DCLRE1B: variants seen among roughly 807,000 people sequenced by gnomAD.
The protein encoded by DCLRE1B is DNA cross-link repair 1B.
Under a neutral mutation model 19.8 loss-of-function variants are expected in DCLRE1B, and 6 were observed. That is an observed-to-expected ratio of 0.30 (90% CI 0.17 to 0.60). DCLRE1B has a LOEUF of 0.60. DCLRE1B is among the 20% of genes least tolerant of loss of function. The pLI, the probability that DCLRE1B is intolerant of heterozygous loss-of-function variation, is 0.87. For missense variants in DCLRE1B, 622 were observed against 654.2 expected, an observed-to-expected ratio of 0.95 and a Z score of 0.54; for synonymous variants, 258 against 255.7, an observed-to-expected ratio of 1.01 and a Z score of -0.09.
At position 113,913,080 on chromosome 1, in the gene DCLRE1B, G is replaced by T. The variant is rs944394970; in HGVS notation, c.*889G>T. On this transcript the variant is annotated 3_prime_UTR_variant, in exon 4 of 4. Transcript: ENST00000650450. ...TTGCTCCCCTCACCCCTTGGATTAT[G>T]TAGGGAGCCAGTGCACACAGCCTGT... 1 of 152,810 alleles carries T rather than the reference G, an allele frequency of 6.5e-6. No homozygotes were observed. Among genetic ancestry groups the T allele is most frequent in the Non-Finnish European group, 1.5e-5 (1 of 68,072 alleles). 9.5% of individuals were successfully genotyped at this position (152,810 alleles called of 1,614,324 possible).
In DCLRE1B at chr1:113,905,762, A is replaced by G. The variant is rs759079691; in HGVS notation, c.176A>G (p.His59Arg). 6.2e-7 allele frequency: 1 copy of G among 1,613,316 alleles called. No individual in the cohort carries two copies. The highest frequency in any genetic ancestry group is 8.5e-7 in the Non-Finnish European group (1 of 1,179,660). ...YCSPITAHLL[H>R]RHLQVSKQWI... ...TCCCCAATTACAGCCCACCTCTTGC[A>G]TCGTCACCTACAGGTATGGGGCTGG... The change falls in exon 1 of 4, where the codon CAT becomes CGT. Residue 59 changes from histidine (H) to arginine (R), a missense_variant. Coordinates refer to ENST00000650450, the MANE Select transcript of DCLRE1B (RefSeq NM_022836.4).
Position 113,911,316 on chromosome 1 carries a change from A to G in DCLRE1B, c.724A>G (p.Met242Val). The change falls in exon 4 of 4, where the codon ATG becomes GTG. Residue 242 changes from methionine to valine, a missense_variant. Physicochemically the swap from Met to Val is conservative, Grantham distance 21. This residue lies in a region of DCLRE1B where 382 missense variants were observed against 412.5 expected (regional missense o/e 0.93). Coordinates refer to ENST00000650450, the MANE Select transcript of DCLRE1B (RefSeq NM_022836.4). ...VDHMEICHSN[M>V]LRWNQTHPTI... ...CCATATGGAGATCTGCCATTCCAACATGCTGCGTTGGAACCAGACCCACCC... is the reference window on the plus strand; with the variant it reads ...CCATATGGAGATCTGCCATTCCAACGTGCTGCGTTGGAACCAGACCCACCC... The G allele has an allele frequency of 1.9e-6, 3 of 1,614,092 alleles. No individual in the cohort carries two copies. The highest frequency in any genetic ancestry group is 2.5e-6 in the Non-Finnish European group (3 of 1,180,014).
In DCLRE1B at chr1:113,912,449, G is replaced by A. The variant is rs28381081; in HGVS notation, c.*258G>A. ...TGGAGTATGCGTGAGCAAATTAAAA[G>A]TTCTTTGAAGTCCTACAGTAACTTA... On this transcript the variant is annotated 3_prime_UTR_variant, in exon 4 of 4. Coordinates refer to ENST00000650450, the MANE Select transcript of DCLRE1B (RefSeq NM_022836.4). The A allele has an allele frequency of 1.7e-3, 591 of 353,182 alleles. 4 individuals carry two copies. Among genetic ancestry groups the A allele is most frequent in the African/African-American group, 0.011 (541 of 47,730 alleles). 21.9% of individuals were successfully genotyped at this position (353,182 alleles called of 1,614,324 possible).
upstream of DCLRE1B, chr1:113,904,959 T>C (rs1370516369): frequency 2.0e-6 from 1 of 494,102 alleles, no homozygotes; most frequent in Non-Finnish European, 3.7e-6. Flanking sequence ...CGGCAGGCCG[T>C]TCGCCCCGCC....
At position 113,911,128 on chromosome 1, in the gene DCLRE1B, T is replaced by C. The variant is rs1669234941; in HGVS notation, c.539-3T>C. On this transcript the variant is annotated splice_region_variant and splice_polypyrimidine_tract_variant and intron_variant, in intron 3 of 3. Transcript: ENST00000650450. ...TTTCCCCAATACATTGAACATTATT[T>C]AGGACTCTACAGCCTGGGAAAGGAA... 4 of 1,611,214 alleles carry C rather than the reference T, an allele frequency of 2.5e-6. No homozygotes were observed. The African/African-American group carries it at 5.3e-5, about 22-fold the overall frequency.
intron 2 of DCLRE1B, 107 bp from the exon 3 acceptor site, chr1:113,907,902 T>A: frequency 3.9e-6 from 5 of 1,294,734 alleles, no homozygotes; most frequent in Non-Finnish European, 5.3e-6. Context: ...CATAATAGTT[T>A]TTTCACAGAC....
intron 1 of DCLRE1B, 58 bp from the exon 2 acceptor site, chr1:113,906,937 AC>A: frequency 6.3e-7 from 1 of 1,592,620 alleles, no homozygotes; most frequent in Non-Finnish European, 8.6e-7. Flanking sequence ...ATAGTCCCTG[AC>A]CCGGGGAGGT....
chr1:113,906,920 G>A, intron 1 of DCLRE1B, 76 bp from the exon 2 acceptor site: 1 of 1,539,206 alleles, frequency 6.5e-7, no homozygotes. Flanking sequence ...CCTGATTCAT[G>A]TAAGGGATAG....
chr1:113,904,665 C>CA, upstream of DCLRE1B: 1 of 1,613,292 alleles, frequency 6.2e-7, no homozygotes, highest in Non-Finnish European at 8.5e-7. Flanking sequence ...GTGAGGATTG[C>CA]ACAGAGCCTT....
chr1:113,912,311 T>TA lies in DCLRE1B; in HGVS notation c.*121dup. On this transcript the variant is annotated 3_prime_UTR_variant, in exon 4 of 4. Transcript: ENST00000650450. ...TACTTTTCTATCTTTACAAGACTCTTATGGGCCCACCGTGGAGCAGCACTT... is the reference window on the plus strand; with the variant it reads ...TACTTTTCTATCTTTACAAGACTCTTAATGGGCCCACCGTGGAGCAGCACTT... 2 of 1,037,354 alleles carry TA rather than the reference T, an allele frequency of 1.9e-6. No homozygotes were observed. The highest frequency in any genetic ancestry group is 2.7e-6 in the Non-Finnish European group (2 of 735,184). 64.3% of individuals were successfully genotyped at this position (1,037,354 alleles called of 1,614,324 possible).
intron 2 of DCLRE1B, 50 bp downstream of exon 2, chr1:113,907,211 T>TG: frequency 3.6e-6 from 3 of 843,086 alleles, no homozygotes; most frequent in East Asian, 1.1e-4. Flanking sequence ...GATGTTTTTT[T>TG]TTTTTTTTTT....
In DCLRE1B at chr1:113,911,469, C is replaced by T; in HGVS notation, c.877C>T (p.Gln293Ter). Residue 293 changes from glutamine (Q) to a stop codon, truncating the protein, a stop_gained, in exon 4 of 4, where the codon CAG becomes TAG. Transcript: ENST00000650450. LOFTEE classifies it low-confidence loss of function (END_TRUNC). The stretch of plus-strand genomic sequence containing the variant: ...CTTTGTCGCAGCACTGAAGCCTTGC[C>T]AGGTGGTGCCCATTGTAAGTCGGCG... ...RAFVAALKPC[Q>*]VVPIVSRRPC... 1 of 1,614,176 alleles carries T rather than the reference C, an allele frequency of 6.2e-7. No homozygotes were observed. The highest frequency in any genetic ancestry group is 1.7e-5 in the Admixed American group (1 of 60,008).
chr1:113,904,859 C>T, upstream of DCLRE1B: 1 of 769,140 alleles, frequency 1.3e-6, no homozygotes, highest in Non-Finnish European at 2.2e-6. Flanking sequence ...GCTCGGCTTC[C>T]GTAGGGCCGG....
upstream of DCLRE1B, chr1:113,904,849 G>T: frequency 4.8e-6 from 4 of 839,206 alleles, no homozygotes; most frequent in Non-Finnish European, 8.0e-6. Context: ...CTCGCCTCAG[G>T]CTCGGCTTCC....
rs141962323 is a variant in DCLRE1B at position 113,908,067 on chromosome 1, G to A, written c.414G>A (p.Gln138=). ...LKEPALTLGK[Q]IHTLYLDNTN... is the part of the protein sequence containing the mutation. Reference sequence around the variant, plus strand: ...AGCCAGCCCTGACACTGGGGAAACAGATCCATACTTTATACCTAGACAACA... The same window carrying A: ...AGCCAGCCCTGACACTGGGGAAACAAATCCATACTTTATACCTAGACAACA... The change falls in exon 3 of 4, where the codon CAG becomes CAA. Residue 138 remains glutamine, a synonymous_variant. Transcript: ENST00000650450. The A allele has an allele frequency of 6.2e-7, 1 of 1,614,192 alleles. No individual in the cohort carries two copies. Among genetic ancestry groups the A allele is most frequent in the Non-Finnish European group, 8.5e-7 (1 of 1,180,034 alleles).
rs765425223 is a variant in DCLRE1B at position 113,911,836 on chromosome 1, T to C, written c.1244T>C (p.Phe415Ser). 7 of 1,614,102 alleles carry C rather than the reference T, an allele frequency of 4.3e-6. No homozygotes were observed. The African/African-American group carries it at 8.0e-5, about 18-fold the overall frequency. ...YSKEWNKAVPFCESQKRVTML... is the reference protein window; with the variant it reads ...YSKEWNKAVPSCESQKRVTML... ...AAAGAATGGAACAAGGCAGTGCCTT[T>C]CTGTGAGTCTCAAAAGAGGGTGACT... The change falls in exon 4 of 4, where the codon TTC (phenylalanine) becomes TCC (serine). Residue 415 changes from phenylalanine to serine, a missense_variant. This residue lies in a region of DCLRE1B where 382 missense variants were observed against 412.5 expected (regional missense o/e 0.93). Transcript: ENST00000650450.
At chr1:113,904,872 C>T (rs549325966), upstream of DCLRE1B, 3 of 704,566 alleles carry the variant, frequency 4.3e-6, no homozygotes, top group Admixed American at 2.1e-5. Context: ...AGGGCCGGCA[C>T]GCTGGCCCTG....
At chr1:113,911,096 C>G (rs1336209868) in intron 3 of DCLRE1B, 35 bp from the exon 4 acceptor site, 1 of 1,539,670 alleles carries the variant, frequency 6.5e-7, no homozygotes, top group African/African-American at 1.4e-5. Flanking sequence ...TTTCTTCCTT[C>G]TCTTACTTTC....
At chr1:113,904,722 C>G (rs1234773784), upstream of DCLRE1B, 1 of 1,611,884 alleles carries the variant, frequency 6.2e-7, no homozygotes, top group Non-Finnish European at 8.5e-7. Flanking sequence ...CGGCATCTTC[C>G]TAAGAGTCAC....
Sources: allele counts gnomAD v4.1 joint callset, GRCh38; gene constraint gnomAD v4.1.1; regional missense constraint gnomAD v4.1.1; transcripts MANE v1.5; gene names NCBI Gene and HGNC (gene_info 2026-07-23, HGNC 2026-07-21).